The following PDGFD variants were observed in gnomAD, a reference collection of about 807,000 sequenced individuals.
PDGFD encodes the protein platelet derived growth factor D.
A neutral mutation model predicts 44.7 loss-of-function variants in PDGFD; 30 were observed. The observed-to-expected ratio is 0.67, with a 90% CI of 0.50 to 0.91. PDGFD has a LOEUF of 0.91. PDGFD is among the 40% of genes least tolerant of loss of function. PDGFD has a pLI of 0.00. For missense variants in PDGFD, 445 were observed against 457.8 expected (o/e 0.97, Z 0.25); for synonymous variants, 173 against 168.4 (o/e 1.03, Z -0.21).
chr11:104,001,552 C>T (rs925767250), intron 1 of PDGFD, among the ~76,000 whole-genome samples: 12 of 152,140 alleles, frequency 7.9e-5, no homozygotes, highest in African/African-American at 2.4e-4. Flanking sequence ...GAAGTGAGTA[C>T]CATATTGTGG....
At chr11:104,147,662 T>C (rs908721420) in intron 1 of PDGFD, among the ~76,000 whole-genome samples, 3 of 152,150 alleles carry the variant, frequency 2.0e-5, no homozygotes, top group Non-Finnish European at 4.4e-5. Flanking sequence ...ATATATGCTG[T>C]CCAATGGCTC....
rs1591132159 is a variant in PDGFD, at chr11:104,036,752, C to T, written c.125-36497G>A. 9 of 1,269,512 alleles carry T rather than the reference C, an allele frequency of 7.1e-6. No individual in the cohort carries two copies. The East Asian group carries it at 1.2e-4, about 16-fold the overall frequency. The allele number at this position is 1,269,512 out of a possible 1,614,324, so 78.6% of individuals were successfully genotyped here. On this transcript the variant is annotated intron_variant, in intron 1 of 6. Transcript: ENST00000393158. ...TCCTGAGGAGCAGCGGCACCAACGA[C>T]GCAGGCCCGCCCCAGCCCGCCAGTG...
chr11:103,998,536 G>A (rs1450304574), intron 2 of PDGFD, among the ~76,000 whole-genome samples: 2 of 152,194 alleles, frequency 1.3e-5, no homozygotes, highest in Non-Finnish European at 2.9e-5. Flanking sequence ...TCTTGCCTAT[G>A]TATCTCTTTC....
intron 1 of PDGFD, among the ~76,000 whole-genome samples, chr11:104,026,679 A>G (rs1000426160): frequency 3.9e-5 from 6 of 152,182 alleles, no homozygotes; most frequent in Non-Finnish European, 5.9e-5. Context: ...TGAAAACCTT[A>G]TGGCCTCATG....
chr11:104,141,403 T>A (rs898493255), intron 1 of PDGFD, among the ~76,000 whole-genome samples: 89 of 150,292 alleles, frequency 5.9e-4, no homozygotes, highest in South Asian at 6.3e-4. Context: ...AATTTAATTT[T>A]TTTTTTTTTT....
intron 1 of PDGFD, among the ~76,000 whole-genome samples, chr11:104,062,214 C>T (rs1391777435): frequency 6.6e-6 from 1 of 152,180 alleles, no homozygotes; most frequent in Non-Finnish European, 1.5e-5. Context: ...CCAGACAGCA[C>T]CCAGTGTTTC....
intron 3 of PDGFD, among the ~76,000 whole-genome samples, chr11:103,960,242 T>C (rs1275487145): frequency 6.6e-6 from 1 of 152,012 alleles, no homozygotes; most frequent in Non-Finnish European, 1.5e-5. Context: ...AAAGGAAAAA[T>C]AGGGATTGGG....
At chr11:104,126,245 A>C (rs553246782) in intron 1 of PDGFD, among the ~76,000 whole-genome samples, 108 of 152,246 alleles carry the variant, frequency 7.1e-4, no homozygotes, top group Non-Finnish European at 1.4e-3. Context: ...AGCAGCCTGT[A>C]AGCTGGAGGC....
chr11:104,041,163 A>C (rs2134399068), intron 1 of PDGFD, among the ~76,000 whole-genome samples: 1 of 152,258 alleles, frequency 6.6e-6, no homozygotes, highest in South Asian at 2.1e-4. Flanking sequence ...AATGCACATT[A>C]AATAAGCTCC....
rs143073949 is a variant in PDGFD at position 103,910,857 on chromosome 11, T to C, written c.988-1038A>G. Among the ~76,000 whole-genome samples, 1,196 of 152,248 alleles carry C rather than the reference T, an allele frequency of 7.9e-3. 15 individuals are homozygous for C. Among genetic ancestry groups the C allele is most frequent in the African/African-American group, 0.026 (1,085 of 41,560 alleles). On this transcript the variant is annotated intron_variant, in intron 6 of 6. Coordinates refer to ENST00000393158, the MANE Select transcript of PDGFD (RefSeq NM_025208.5). Reference sequence around the variant, plus strand: ...TGAAATTCTCCTGCCAGCACAGCAGTCTGAGATTGACCTGGGATGCTTGAG... The same window carrying C: ...TGAAATTCTCCTGCCAGCACAGCAGCCTGAGATTGACCTGGGATGCTTGAG...
At chr11:104,141,513 T>C (rs563499098) in intron 1 of PDGFD, among the ~76,000 whole-genome samples, 24 of 152,102 alleles carry the variant, frequency 1.6e-4, no homozygotes, top group Non-Finnish European at 3.2e-4. Context: ...TAGCTCACTG[T>C]AAATTTGAAC....
intron 1 of PDGFD, among the ~76,000 whole-genome samples, chr11:104,026,519 A>G (rs759798868): frequency 5.9e-5 from 9 of 152,238 alleles, no homozygotes; most frequent in Non-Finnish European, 1.2e-4. Context: ...CACCACTAAA[A>G]AAGTTTGAAG....
At chr11:104,058,988 A>T (rs1489255840) in intron 1 of PDGFD, among the ~76,000 whole-genome samples, 1 of 152,212 alleles carries the variant, frequency 6.6e-6, no homozygotes, top group Non-Finnish European at 1.5e-5. Context: ...AGGGGAGGGG[A>T]TCAACTACAG....
At chr11:104,083,357 C>T (rs1008883580) in intron 1 of PDGFD, among the ~76,000 whole-genome samples, 2 of 152,014 alleles carry the variant, frequency 1.3e-5, no homozygotes, top group Non-Finnish European at 2.9e-5. Flanking sequence ...TTTAAAGAAC[C>T]CGGCTTATAA....
intron 3 of PDGFD, among the ~76,000 whole-genome samples, chr11:103,991,317 T>A (rs989303117): frequency 2.0e-5 from 3 of 152,110 alleles, no homozygotes; most frequent in Non-Finnish European, 4.4e-5. Flanking sequence ...TCTCCTCCTC[T>A]CTTCCTTCTC....
intron 1 of PDGFD, among the ~76,000 whole-genome samples, chr11:104,036,371 G>A (rs896560557): frequency 2.0e-5 from 3 of 152,078 alleles, no homozygotes; most frequent in Non-Finnish European, 4.4e-5. Context: ...TTGAGCCTAC[G>A]AGGTCGAGGC....
At chr11:104,045,478 A>G (rs1565319764) in intron 1 of PDGFD, among the ~76,000 whole-genome samples, 1 of 152,054 alleles carries the variant, frequency 6.6e-6, no homozygotes, top group African/African-American at 2.4e-5. Context: ...ATGTTTATGC[A>G]ACAAAAAAAA....
At chr11:104,128,340 T>C (rs926030199) in intron 1 of PDGFD, among the ~76,000 whole-genome samples, 8 of 152,168 alleles carry the variant, frequency 5.3e-5, no homozygotes, top group African/African-American at 1.9e-4. Context: ...CTGCATAGTA[T>C]ACTTTGAAAT....
In PDGFD at chr11:104,084,932, A is replaced by G. The variant is rs534213806; in HGVS notation, c.124+78872T>C. ...TATATTTATCATATATATGAATTAC[A>G]TATACATATATCACATATAAATAAA... is the stretch of plus-strand genomic sequence containing the variant. On this transcript the variant is annotated intron_variant, in intron 1 of 6. Coordinates refer to ENST00000393158, the MANE Select transcript of PDGFD (RefSeq NM_025208.5). 1.1e-4 allele frequency among the ~76,000 whole-genome samples: 12 copies of G among 111,418 alleles called. No individual in the cohort carries two copies. The South Asian group carries it at 2.7e-3, about 25-fold the overall frequency. The allele number at this position is 111,418 out of a possible 152,430, so 73.1% of individuals were successfully genotyped here. A position where few individuals can be genotyped will look rare whatever the true frequency, so the allele number is the denominator to read the frequency against.
Sources: gnomAD v4.1 joint callset for allele counts (sites outside exome capture counted in the v4.1 genomes callset) on GRCh38, gnomAD v4.1.1 for gene constraint, MANE v1.5 for transcripts, NCBI Gene and HGNC (gene_info 2026-07-23, HGNC 2026-07-21) for gene names.